The following CRPPA variants were observed in gnomAD, a reference collection of about 807,000 sequenced individuals.
CRPPA encodes the protein D-ribitol-5-phosphate cytidylyltransferase.
Under a neutral mutation model 52.0 loss-of-function variants are expected in CRPPA, and 43 were observed. The ratio of observed to expected loss-of-function variants is 0.83; its 90% confidence interval spans 0.65 to 1.07. The LOEUF (loss-of-function observed/expected upper bound fraction) is 1.07, where lower values mean the gene tolerates loss of function less well. CRPPA is among the 50% of genes least tolerant of loss of function. The pLI is 0.00. For missense variants in CRPPA, 629 were observed against 551.7 expected (o/e 1.14, Z -1.40); for synonymous variants, 250 against 203.5 (o/e 1.23, Z -1.94).
chr7:16,375,275 T>G (rs1786852797), intron 3 of CRPPA, among the ~76,000 whole-genome samples: 1 of 152,170 alleles, frequency 6.6e-6, no homozygotes, highest in South Asian at 2.1e-4. Context: ...CCTCACCTCC[T>G]ATAGCAAGTT....
chr7:16,237,106 C>T (rs1005020674), intron 8 of CRPPA, among the ~76,000 whole-genome samples: 3 of 152,112 alleles, frequency 2.0e-5, no homozygotes, highest in Admixed American at 1.3e-4. Flanking sequence ...TATCATTCGC[C>T]AAGTTTTATG....
At chr7:16,378,104 T>G (rs1786948942) in intron 2 of CRPPA, among the ~76,000 whole-genome samples, 1 of 152,050 alleles carries the variant, frequency 6.6e-6, no homozygotes, top group African/African-American at 2.4e-5. Context: ...TTTTTTTAAT[T>G]TTTTTAAATT....
chr7:16,397,465 G>A lies in CRPPA; in HGVS notation c.534+8596C>T, dbSNP rs181987886. On this transcript the variant is annotated intron_variant, in intron 2 of 9. Transcript: ENST00000407010. ...ATGTAACAGACGTGACACGTGACATGTGACTCATAGTTGACATAACAGAAA... is the reference window on the plus strand; with the variant it reads ...ATGTAACAGACGTGACACGTGACATATGACTCATAGTTGACATAACAGAAA... 3.3e-3 allele frequency among the ~76,000 whole-genome samples: 502 copies of A among 152,300 alleles called. 3 individuals carry two copies. Among genetic ancestry groups the A allele is most frequent in the African/African-American group, 0.011 (476 of 41,564 alleles).
chr7:16,397,530 A>G (rs974249211), intron 2 of CRPPA, among the ~76,000 whole-genome samples: 2 of 150,558 alleles, frequency 1.3e-5, no homozygotes, highest in Non-Finnish European at 2.9e-5. Flanking sequence ...GACATGATCA[A>G]CACAACATGT....
intron 9 of CRPPA, among the ~76,000 whole-genome samples, chr7:16,214,445 A>C (rs960317213): frequency 2.0e-5 from 3 of 152,196 alleles, no homozygotes; most frequent in African/African-American, 7.2e-5. Context: ...ACTCCTTTAG[A>C]CAACATGAGA....
intron 3 of CRPPA, among the ~76,000 whole-genome samples, chr7:16,353,490 T>C (rs4721492): frequency 0.92 from 140,004 of 152,238 alleles, 64,707 homozygotes; most frequent in East Asian, 0.98. Context: ...CTTCTGGTGA[T>C]CTATTGCATA....
chr7:16,218,945 A>C (rs941394906), intron 8 of CRPPA, among the ~76,000 whole-genome samples: 9 of 152,188 alleles, frequency 5.9e-5, no homozygotes, highest in African/African-American at 1.9e-4. Flanking sequence ...AGCAGACCTA[A>C]TAGACATCTA....
intron 9 of CRPPA, among the ~76,000 whole-genome samples, chr7:16,185,178 T>G (rs1056791386): frequency 2.0e-5 from 3 of 152,180 alleles, no homozygotes; most frequent in Admixed American, 6.6e-5. Context: ...GGACTCACAA[T>G]CATGGCAGAA....
chr7:16,388,443 A>G (rs944694710), intron 2 of CRPPA, among the ~76,000 whole-genome samples: 11 of 152,250 alleles, frequency 7.2e-5, no homozygotes, highest in Non-Finnish European at 1.6e-4. Context: ...CTATATAAAA[A>G]GATTCTAGAC....
At position 16,091,667 on chromosome 7, in the gene CRPPA, T is replaced by A. The variant is rs1349009640; in HGVS notation, c.*28A>T. On this transcript the variant is annotated 3_prime_UTR_variant, in exon 10 of 10. Transcript: ENST00000407010. Reference sequence around the variant, plus strand: ...CAATTAAGATACGCAAATAGATGTTTTAGAAAATAGGTAATTTTTTGTGTT... The same window carrying A: ...CAATTAAGATACGCAAATAGATGTTATAGAAAATAGGTAATTTTTTGTGTT... 1.3e-5 allele frequency: 17 copies of A among 1,300,618 alleles called. No homozygotes were observed. Among genetic ancestry groups the A allele is most frequent in the South Asian group, 1.2e-4 (9 of 76,286 alleles). 80.6% of individuals were successfully genotyped at this position (1,300,618 alleles called of 1,614,324 possible). A position where few individuals can be genotyped will look rare whatever the true frequency, so the allele number is the denominator to read the frequency against.
chr7:16,110,508 C>G (rs1432223547), intron 9 of CRPPA, among the ~76,000 whole-genome samples: 3 of 152,070 alleles, frequency 2.0e-5, no homozygotes, highest in African/African-American at 7.2e-5. Flanking sequence ...ATCACAATAC[C>G]TGATTTCAAA....
intron 5 of CRPPA, among the ~76,000 whole-genome samples, chr7:16,291,147 C>A (rs760326885): frequency 6.6e-6 from 1 of 151,840 alleles, no homozygotes; most frequent in Non-Finnish European, 1.5e-5. Flanking sequence ...CAAGAGGATG[C>A]AGAAGAGAGG....
intron 2 of CRPPA, among the ~76,000 whole-genome samples, chr7:16,397,711 T>A (rs1234740149): frequency 1.3e-5 from 2 of 152,108 alleles, no homozygotes; most frequent in Non-Finnish European, 2.9e-5. Flanking sequence ...ATGATTGACA[T>A]GCGACCAACG....
intron 3 of CRPPA, among the ~76,000 whole-genome samples, chr7:16,369,600 C>T (rs917356915): frequency 6.6e-6 from 1 of 152,068 alleles, no homozygotes; most frequent in African/African-American, 2.4e-5. Flanking sequence ...AGGAAAGATA[C>T]ACACCAAAAA....
At chr7:16,280,037 T>C (rs1784288902) in intron 5 of CRPPA, among the ~76,000 whole-genome samples, 1 of 152,164 alleles carries the variant, frequency 6.6e-6, no homozygotes, top group Non-Finnish European at 1.5e-5. Flanking sequence ...ACTCCTCTTT[T>C]TAAAACTATC....
chr7:16,116,189 C>A lies in CRPPA; in HGVS notation c.1252-24390G>T, dbSNP rs148113250. ...TTAACCAAGTGATCTAGGTTAATAT[C>A]AGCAGTGAGACAGATATCATGTGAT... On this transcript the variant is annotated intron_variant, in intron 9 of 9. Transcript: ENST00000407010. 2.4e-3 allele frequency among the ~76,000 whole-genome samples: 362 copies of A among 152,198 alleles called. 2 individuals carry two copies. The highest frequency in any genetic ancestry group is 0.018 in the South Asian group (88 of 4,826).
intron 9 of CRPPA, among the ~76,000 whole-genome samples, chr7:16,200,015 G>A (rs1016743738): frequency 4.0e-5 from 6 of 151,838 alleles, no homozygotes; most frequent in South Asian, 4.2e-4. Context: ...ACAACACCAC[G>A]CCCAGTTAAT....
chr7:16,125,255 C>T (rs1432418989), intron 9 of CRPPA, among the ~76,000 whole-genome samples: 1 of 65,252 alleles, frequency 1.5e-5, no homozygotes, highest in Non-Finnish European at 3.0e-5. Flanking sequence ...TGGAGACTGT[C>T]TCAAAAAAAA....
Position 16,324,789 on chromosome 7 carries a change from G to C in CRPPA, c.685-16162C>G, listed in dbSNP as rs556130047. The stretch of plus-strand genomic sequence containing the variant: ...CAATAGTGAAGATACCCAAAACATG[G>C]AGTCTGCAATCTTTGACTAAATTTA... On this transcript the variant is annotated intron_variant, in intron 3 of 9. Transcript: ENST00000407010. Among the ~76,000 whole-genome samples the C allele has an allele frequency of 2.6e-5, 4 of 152,312 alleles. No individual in the cohort carries two copies. In the East Asian group the frequency reaches 7.7e-4, roughly 29 times the overall value.
Sources: allele counts gnomAD v4.1 joint callset (sites outside exome capture counted in the v4.1 genomes callset), GRCh38; gene constraint gnomAD v4.1.1; transcripts MANE v1.5; gene names NCBI Gene and HGNC (gene_info 2026-07-23, HGNC 2026-07-21).